Variants in RAG1 observed in about 807,000 individuals in gnomAD.
RAG1 encodes the protein recombination activating 1, also known as V(D)J recombination-activating protein 1.
Under a neutral mutation model 62.7 loss-of-function variants are expected in RAG1, and 35 were observed. The ratio of observed to expected loss-of-function variants is 0.56; its 90% CI spans 0.43 to 0.74. The LOEUF (loss-of-function observed/expected upper bound fraction) is 0.74, where lower values mean the gene tolerates loss of function less well. RAG1 is among the 30% of genes least tolerant of loss of function. RAG1 has a pLI of 0.00. For synonymous variants in RAG1, 461 were observed against 470.3 expected, an observed-to-expected ratio of 0.98 and a Z score of 0.26; for missense variants, 1,169 against 1,278.6, an observed-to-expected ratio of 0.91 and a Z score of 1.31.
chr11:36,575,115 G>T lies in RAG1; in HGVS notation c.1811G>T (p.Gly604Val), dbSNP rs2133296406. The change falls in exon 2 of 2, where the codon GGA becomes GTA. Residue 604 changes from glycine to valine, a missense_variant. Gly to Val is a moderately radical substitution (Grantham distance 109). Around this residue, in one of 2 missense-constraint regions of RAG1, gnomAD observed 800 missense variants for 943.3 expected, o/e 0.85. Transcript: ENST00000299440. This position sits in a 1 kb window ranked among gnomAD's most constrained non-coding sequence, Gnocchi z 4.1. ...GTGGTGGTGAAGGAGTCTTGTGATG[G>T]AATGGGAGACGTGAGTGAGAAGCAT... ...FTVVVKESCDGMGDVSEKHGS... is the reference protein window; with the variant it reads ...FTVVVKESCDVMGDVSEKHGS... The T allele has an allele frequency of 6.2e-7, 1 of 1,614,174 alleles. No homozygotes were observed. Among genetic ancestry groups the T allele is most frequent in the East Asian group, 2.2e-5 (1 of 44,876 alleles).
At chr11:36,520,964 T>C (rs1590661689) in intron 2 of RAG1, among the ~76,000 whole-genome samples, 1 of 151,274 alleles carries the variant, frequency 6.6e-6, no homozygotes, top group Admixed American at 6.6e-5. Flanking sequence ...TCTCATCTTT[T>C]TTTTTTTTTT....
At chr11:36,571,776 G>A (rs937943789) in intron 1 of RAG1, among the ~76,000 whole-genome samples, 17 of 151,940 alleles carry the variant, frequency 1.1e-4, no homozygotes, top group Non-Finnish European at 1.6e-4. Context: ...CACCATGCCC[G>A]GCTAAATTTT....
chr11:36,527,307 G>C (rs994803804), intron 2 of RAG1, among the ~76,000 whole-genome samples: 2 of 152,194 alleles, frequency 1.3e-5, no homozygotes, highest in Non-Finnish European at 2.9e-5. Flanking sequence ...CATATGGCTA[G>C]CCAGTTTTCC....
intron 2 of RAG1, among the ~76,000 whole-genome samples, chr11:36,523,848 A>T (rs570043748): frequency 6.6e-6 from 1 of 152,324 alleles, no homozygotes; most frequent in South Asian, 2.1e-4. Context: ...TGGTAACATC[A>T]TGCAAAACTG....
intron 2 of RAG1, among the ~76,000 whole-genome samples, chr11:36,523,880 T>C (rs539080768): frequency 1.1e-4 from 16 of 152,334 alleles, no homozygotes; most frequent in Admixed American, 5.2e-4. Context: ...GACAATATCT[T>C]GACATTCATA....
At chr11:36,570,451 G>A (rs1218322232) in intron 1 of RAG1, among the ~76,000 whole-genome samples, 2 of 152,066 alleles carry the variant, frequency 1.3e-5, no homozygotes, top group East Asian at 1.9e-4. Context: ...AAAATCACAA[G>A]TAAGGATAAA....
chr11:36,543,194 A>G (rs2133266489), intron 3 of RAG1, among the ~76,000 whole-genome samples: 1 of 152,198 alleles, frequency 6.6e-6, no homozygotes, highest in East Asian at 1.9e-4. Flanking sequence ...GGTCTTAGGT[A>G]TAGCCTTGAT....
chr11:36,572,115 G>A (rs1033659968), intron 1 of RAG1, among the ~76,000 whole-genome samples: 4 of 152,108 alleles, frequency 2.6e-5, no homozygotes, highest in Non-Finnish European at 5.9e-5. Flanking sequence ...AATTCTCATC[G>A]ATTTTGTTAG....
intron 2 of RAG1, among the ~76,000 whole-genome samples, chr11:36,522,238 A>T (rs934574820): frequency 2.0e-5 from 3 of 152,114 alleles, no homozygotes; most frequent in African/African-American, 7.2e-5. Flanking sequence ...TAGGAGGAAA[A>T]AGTGGTTTTG....
At chr11:36,519,719 A>T (rs560405202) in intron 1 of RAG1, among the ~76,000 whole-genome samples, 1 of 152,184 alleles carries the variant, frequency 6.6e-6, no homozygotes, top group Admixed American at 6.5e-5. Context: ...TTTGTGTTCC[A>T]TCTGGCTCTT....
intron 2 of RAG1, among the ~76,000 whole-genome samples, chr11:36,534,499 T>A (rs1860297978): frequency 6.6e-6 from 1 of 152,238 alleles, no homozygotes; most frequent in Admixed American, 6.5e-5. Context: ...AGAAGTCACA[T>A]GTGTCACTTT....
intron 2 of RAG1, among the ~76,000 whole-genome samples, chr11:36,527,188 G>A (rs1209263819): frequency 1.3e-5 from 2 of 152,126 alleles, no homozygotes; most frequent in East Asian, 3.8e-4. Context: ...TATTGCCTAG[G>A]TTTCCTTCTA....
chr11:36,536,596 T>C (rs1860329642), downstream of RAG1, among the ~76,000 whole-genome samples: 1 of 149,012 alleles, frequency 6.7e-6, no homozygotes, highest in South Asian at 2.2e-4. Context: ...AAAAACATTT[T>C]GTATGTGTAA....
At chr11:36,548,394 C>G (rs1264037627) in intron 3 of RAG1, among the ~76,000 whole-genome samples, 1 of 152,122 alleles carries the variant, frequency 6.6e-6, no homozygotes, top group African/African-American at 2.4e-5. Flanking sequence ...GCCCAAATCT[C>G]CTTAAGCTGA....
chr11:36,543,532 T>G (rs1373429345), intron 3 of RAG1, among the ~76,000 whole-genome samples: 2 of 152,216 alleles, frequency 1.3e-5, no homozygotes, highest in Non-Finnish European at 2.9e-5. Context: ...TTGTGGCACT[T>G]ACCCTGCTCT....
rs1380473029 is a variant in RAG1 at position 36,574,618 on chromosome 11, C to T, written c.1314C>T (p.Phe438=). The T allele has an allele frequency of 6.2e-6, 10 of 1,614,106 alleles. No individual in the cohort carries two copies. The highest frequency in any genetic ancestry group is 7.6e-6 in the Non-Finnish European group (9 of 1,180,056). The change falls in exon 2 of 2, where the codon TTC becomes TTT. Residue 438 remains phenylalanine, a synonymous_variant. Transcript: ENST00000299440. The part of the protein sequence containing the change: ...GDVKSVCMTL[F]LLALRARNEH... ...TGAAGTCCGTGTGCATGACCTTGTT[C>T]CTGCTGGCTCTGAGGGCGAGGAATG...
chr11:36,534,708 G>A (rs2201845), intron 2 of RAG1, among the ~76,000 whole-genome samples: 25,111 of 151,984 alleles, frequency 0.17, 2,351 homozygotes, highest in African/African-American at 0.26. Context: ...TGACTGTTTT[G>A]CAATCAATGT....
At chr11:36,515,725 T>C (rs1046670884) in intron 1 of RAG1, among the ~76,000 whole-genome samples, 6 of 152,146 alleles carry the variant, frequency 3.9e-5, no homozygotes, top group African/African-American at 1.2e-4. Flanking sequence ...GGGGAGACTG[T>C]ACACAGTAAT....
At chr11:36,549,257 G>A (rs1410698807) in intron 3 of RAG1, among the ~76,000 whole-genome samples, 2 of 152,156 alleles carry the variant, frequency 1.3e-5, no homozygotes, top group Non-Finnish European at 2.9e-5. Flanking sequence ...GGCAACAAAA[G>A]CCAAAATTGA....
Sources: gnomAD v4.1 joint callset for allele counts (sites outside exome capture counted in the v4.1 genomes callset) on GRCh38, gnomAD v4.1.1 for gene constraint, gnomAD v4.1.1 regional missense constraint, Gnocchi (gnomAD v3.1) non-coding constraint, MANE v1.5 for transcripts, NCBI Gene and HGNC (gene_info 2026-07-23, HGNC 2026-07-21) for gene names.